NDC80: variants seen among roughly 807,000 people sequenced by gnomAD.
The protein encoded by NDC80 is kinetochore protein NDC80 homolog.
NDC80 carries 69 observed loss-of-function variants against 89.3 expected under a neutral mutation model. That is an observed-to-expected ratio of 0.77 (90% CI 0.64 to 0.94). NDC80 has a LOEUF of 0.94. NDC80 is among the 40% of genes least tolerant of loss of function. The pLI, the probability that NDC80 is intolerant of heterozygous loss-of-function variation, is 0.00. For synonymous variants in NDC80, 243 were observed against 255.6 expected, an observed-to-expected ratio of 0.95 and a Z score of 0.47; for missense variants, 593 against 739.6, an observed-to-expected ratio of 0.80 and a Z score of 2.30.
chr18:2,610,999 A>T, intron 16 of NDC80, 138 bp downstream of exon 16: 1 of 463,138 alleles, frequency 2.2e-6, no homozygotes, highest in Non-Finnish European at 3.6e-6. Flanking sequence ...TATCAGAAGA[A>T]TCTTGTCTAG....
At chr18:2,595,952 A>C (rs1455210881) in intron 11 of NDC80, among the ~76,000 whole-genome samples, 1 of 152,242 alleles carries the variant, frequency 6.6e-6, no homozygotes, top group Non-Finnish European at 1.5e-5. Context: ...TTAAGCATTA[A>C]GATTGAACAT....
intron 3 of NDC80, among the ~76,000 whole-genome samples, chr18:2,575,553 C>T (rs576181576): frequency 6.6e-6 from 1 of 152,006 alleles, no homozygotes; most frequent in Admixed American, 6.6e-5. Flanking sequence ...CTGAGATGAT[C>T]TTGAGTCCAA....
At chr18:2,571,829 G>C (rs895945823) in intron 1 of NDC80, 146 bp downstream of exon 1, 3 of 152,394 alleles carry the variant, frequency 2.0e-5, no homozygotes, top group African/African-American at 4.8e-5. Flanking sequence ...GGCCAAAACT[G>C]TGCGAGGCGC....
chr18:2,616,020 T>C (rs2072782130), intron 16 of NDC80, among the ~76,000 whole-genome samples: 1 of 152,098 alleles, frequency 6.6e-6, no homozygotes. Flanking sequence ...TGAATACAAA[T>C]ATATTCTTTT....
chr18:2,575,424 C>T (rs2072541356), intron 3 of NDC80, among the ~76,000 whole-genome samples: 1 of 151,622 alleles, frequency 6.6e-6, no homozygotes, highest in Admixed American at 6.6e-5. Context: ...TCAAGACCAG[C>T]CTGGGCAACG....
chr18:2,614,442 AG>A (rs201237664), intron 16 of NDC80: 83 of 5,616 alleles, frequency 0.015, 2 homozygotes, highest in African/African-American at 0.049. Flanking sequence ...TCTCAAAAAA[AG>A]AAAGAAAGAA....
chr18:2,586,437 A>G (rs1342739525), intron 7 of NDC80, among the ~76,000 whole-genome samples: 1 of 152,208 alleles, frequency 6.6e-6, no homozygotes, highest in African/African-American at 2.4e-5. Context: ...TCTATTAAGT[A>G]TTAAATGTCT....
chr18:2,590,860 T>C (rs1292259492), intron 10 of NDC80, among the ~76,000 whole-genome samples: 1 of 152,214 alleles, frequency 6.6e-6, no homozygotes, highest in Non-Finnish European at 1.5e-5. Flanking sequence ...TCTATACAAA[T>C]ATATACTGTA....
rs55648444 is a variant in NDC80, at chr18:2,612,276, C to CTTTTTTTTTTTTTT, written c.1791+1435_1791+1448dup. On this transcript the variant is annotated intron_variant, in intron 16 of 16. Coordinates refer to ENST00000261597, the MANE Select transcript of NDC80 (RefSeq NM_006101.3). Reference sequence around the variant, plus strand: ...TAGCACCTCTGACTTTCTTTTCTTTCTTTTTTTTTTTTTTTTTTTTTTTTT... The same window carrying CTTTTTTTTTTTTTT: ...TAGCACCTCTGACTTTCTTTTCTTTCTTTTTTTTTTTTTTTTTTTTTTTTTTTTTTTTTTTTTTT... 1.1e-3 allele frequency among the ~76,000 whole-genome samples: 66 copies of CTTTTTTTTTTTTTT among 60,402 alleles called. 3 individuals carry two copies. Among genetic ancestry groups the CTTTTTTTTTTTTTT allele is most frequent in the African/African-American group, 1.7e-3 (26 of 15,514 alleles). The allele number at this position is 60,402 out of a possible 152,430, so 39.6% of individuals were successfully genotyped here.
At chr18:2,587,967 C>T (rs1197344247) in intron 8 of NDC80, 44 bp downstream of exon 8, 5 of 1,483,842 alleles carry the variant, frequency 3.4e-6, no homozygotes, top group Non-Finnish European at 4.7e-6. Flanking sequence ...GGTCATTTCA[C>T]TCTGCTCATG....
intron 12 of NDC80, among the ~76,000 whole-genome samples, chr18:2,599,733 A>G (rs2072674967): frequency 6.6e-6 from 1 of 152,214 alleles, no homozygotes; most frequent in Non-Finnish European, 1.5e-5. Context: ...AAATAGCTCT[A>G]TTGTAACTTG....
At chr18:2,578,900 A>G (rs754262927) in intron 5 of NDC80, 27 bp from the exon 6 acceptor site, 3 of 1,292,718 alleles carry the variant, frequency 2.3e-6, no homozygotes, top group Admixed American at 5.4e-5. Context: ...ACATTAAATT[A>G]GCTTATGTTT....
chr18:2,598,920 A>T, intron 11 of NDC80, 99 bp from the exon 12 acceptor site: 1 of 1,165,174 alleles, frequency 8.6e-7, no homozygotes, highest in Non-Finnish European at 1.2e-6. Context: ...TACTAAAAAT[A>T]GGTGTGATAT....
intron 6 of NDC80, among the ~76,000 whole-genome samples, chr18:2,580,407 C>T (rs1267764410): frequency 1.3e-5 from 2 of 151,338 alleles, no homozygotes; most frequent in Non-Finnish European, 2.9e-5. Context: ...TTAATGCAGT[C>T]TCTCCTTTTG....
At chr18:2,582,710 A>G (rs1007472588) in intron 6 of NDC80, 2 of 152,156 alleles carry the variant, frequency 1.3e-5, no homozygotes, top group African/African-American at 4.8e-5. Flanking sequence ...GGATGTATTG[A>G]GATTATTCTT....
intron 10 of NDC80, among the ~76,000 whole-genome samples, chr18:2,592,528 A>AT (rs933655506): frequency 6.7e-6 from 1 of 150,280 alleles, no homozygotes; most frequent in Admixed American, 6.6e-5. Context: ...GCTAATTTTC[A>AT]TTTTTTTTAG....
At chr18:2,589,404 A>G in intron 9 of NDC80, 94 bp downstream of exon 9, 1 of 845,246 alleles carries the variant, frequency 1.2e-6, no homozygotes, top group Non-Finnish European at 1.9e-6. Context: ...TTTAAAAAAT[A>G]GATTAACAAA....
At chr18:2,581,890 ATTT>A (rs1476734089) in intron 6 of NDC80, among the ~76,000 whole-genome samples, 1 of 152,030 alleles carries the variant, frequency 6.6e-6, no homozygotes, top group Non-Finnish European at 1.5e-5. Context: ...AAATCTTGTG[ATTT>A]TGTTATTATT....
chr18:2,593,143 C>T (rs1320357175), intron 10 of NDC80, among the ~76,000 whole-genome samples: 1 of 149,056 alleles, frequency 6.7e-6, no homozygotes, highest in Non-Finnish European at 1.5e-5. Context: ...CAACTTCTGT[C>T]TCCTGGGTTC....
Sources: gnomAD v4.1 joint callset for allele counts (sites outside exome capture counted in the v4.1 genomes callset) on GRCh38, gnomAD v4.1.1 for gene constraint, MANE v1.5 for transcripts, NCBI Gene and HGNC (gene_info 2026-07-23, HGNC 2026-07-21) for gene names.